The following STARD5 variants were observed in gnomAD, a reference collection of about 807,000 sequenced individuals.
STARD5 encodes the protein stAR-related lipid transfer protein 5.
Under a neutral mutation model 24.6 loss-of-function variants are expected in STARD5, and 26 were observed. That is an observed-to-expected ratio of 1.06 (90% CI 0.77 to 1.47). STARD5 has a LOEUF of 1.47. STARD5 is among the 40% of genes most tolerant of loss of function. STARD5 has a pLI of 0.00. For synonymous variants in STARD5, 101 were observed against 99.7 expected, an observed-to-expected ratio of 1.01 and a Z score of -0.07; for missense variants, 254 against 270.8, an observed-to-expected ratio of 0.94 and a Z score of 0.44.
chr15:81,319,096 A>G (rs1901142111), intron 4 of STARD5, among the ~76,000 whole-genome samples: 1 of 143,300 alleles, frequency 7.0e-6, no homozygotes, highest in Non-Finnish European at 1.5e-5. Flanking sequence ...TTCCGCAGGA[A>G]AAAAAAAAAA....
In STARD5 at chr15:81,312,270, C is replaced by T. The variant is rs1193624874; in HGVS notation, c.*986G>A. 6.6e-6 allele frequency: 1 copy of T among 152,262 alleles called. No homozygotes were observed. The highest frequency in any genetic ancestry group is 1.5e-5 in the Non-Finnish European group (1 of 68,072). The allele number at this position is 152,262 out of a possible 1,614,324, so 9.4% of individuals were successfully genotyped here. A position where few individuals can be genotyped will look rare whatever the true frequency, so the allele number is the denominator to read the frequency against. ...GGTTCTGATGATGTGCCTGGGTGGA[C>T]ATGGCCCCTGTGAGTTTGTACAGTC... On this transcript the variant is annotated 3_prime_UTR_variant, in exon 6 of 6. Coordinates refer to ENST00000302824, the MANE Select transcript of STARD5 (RefSeq NM_181900.3).
intron 1 of STARD5, 181 bp downstream of exon 1, chr15:81,323,820 G>A (rs1463555615): frequency 1.4e-6 from 1 of 729,482 alleles, no homozygotes; most frequent in Non-Finnish European, 2.3e-6. Flanking sequence ...GTCATTGTGA[G>A]CATAACAGGC....
At chr15:81,316,674 G>A (rs377241712) in intron 5 of STARD5, among the ~76,000 whole-genome samples, 1 of 152,284 alleles carries the variant, frequency 6.6e-6, no homozygotes, top group South Asian at 2.1e-4. Flanking sequence ...GCTGAATCTA[G>A]GGTCCAGAAT....
intron 3 of STARD5, 91 bp from the exon 4 acceptor site, chr15:81,319,547 T>C (rs914356307): frequency 9.1e-7 from 1 of 1,104,696 alleles, no homozygotes; most frequent in East Asian, 2.4e-5. Context: ...GGAAAGGTAC[T>C]AGGGCTGACA....
At position 81,313,127 on chromosome 15, in the gene STARD5, TGC is replaced by T. The variant is rs1900950804; in HGVS notation, c.*127_*128del. 1 of 1,142,358 alleles carries T rather than the reference TGC, an allele frequency of 8.8e-7. No homozygotes were observed. Among genetic ancestry groups the T allele is most frequent in the African/African-American group, 1.6e-5 (1 of 61,694 alleles). The allele number at this position is 1,142,358 out of a possible 1,614,324, so 70.8% of individuals were successfully genotyped here. On this transcript the variant is annotated 3_prime_UTR_variant, in exon 6 of 6. Transcript: ENST00000302824. ...CGCCTCTGGTTGGCATTCTCAGAGA[TGC>T]GCAGTCCATCAGCTTGTTCCAAAGA...
intron 1 of STARD5, chr15:81,323,490 G>A: frequency 4.3e-6 from 2 of 468,394 alleles, no homozygotes; most frequent in Non-Finnish European, 4.0e-6. Context: ...AAAGTCAGAA[G>A]GGTCAAGCAA....
At position 81,324,009 on chromosome 15, in the gene STARD5, G is replaced by A. The variant is rs1468040974; in HGVS notation, c.91C>T (p.Arg31Trp). 7.5e-6 allele frequency: 12 copies of A among 1,600,220 alleles called. No homozygotes were observed. Among genetic ancestry groups the A allele is most frequent in the Admixed American group, 1.7e-5 (1 of 58,744 alleles). Reference protein sequence around the residue: ...RRDTAGWKICREGNGVSVSWR... With the variant: ...RRDTAGWKICWEGNGVSVSWR... ...CCCAGCTCCTCACTCACGCCTTCCC[G>A]GCAAATCTTCCAGCCTGCTGTGTCC... Residue 31 changes from arginine (R) to tryptophan (W), a missense_variant, in exon 1 of 6, where the codon CGG becomes TGG. Coordinates refer to ENST00000302824, the MANE Select transcript of STARD5 (RefSeq NM_181900.3).
In STARD5 at chr15:81,319,334, C is replaced by T. The variant is rs1901148030; in HGVS notation, c.400+5G>A. 6.2e-7 allele frequency: 1 copy of T among 1,608,724 alleles called. No individual in the cohort carries two copies. Among genetic ancestry groups the T allele is most frequent in the Non-Finnish European group, 8.5e-7 (1 of 1,175,020 alleles). Reference sequence around the variant, plus strand: ...GGCATGGCAGCTCCTCCGGGCATCACTCACCGTTGGAACTGATGGTCCCAT... The same window carrying T: ...GGCATGGCAGCTCCTCCGGGCATCATTCACCGTTGGAACTGATGGTCCCAT... On this transcript the variant is annotated splice_donor_5th_base_variant and intron_variant, in intron 4 of 5. Transcript: ENST00000302824.
chr15:81,313,073 T>A lies in STARD5; in HGVS notation c.*183A>T. On this transcript the variant is annotated 3_prime_UTR_variant, in exon 6 of 6. Transcript: ENST00000302824. ...TGGCTCATCACACGCCAACCCTGAG[T>A]GGGGCAGGAGGCAGGAAGGGTGGGC... is the stretch of plus-strand genomic sequence containing the variant. The A allele has an allele frequency of 1.7e-6, 1 of 580,308 alleles. No homozygotes were observed. Among genetic ancestry groups the A allele is most frequent in the Non-Finnish European group, 2.7e-6 (1 of 372,012 alleles). 35.9% of individuals were successfully genotyped at this position (580,308 alleles called of 1,614,324 possible). A position where few individuals can be genotyped will look rare whatever the true frequency, so the allele number is the denominator to read the frequency against.
chr15:81,319,187 T>TC, intron 4 of STARD5, 152 bp downstream of exon 4: 10 of 705,226 alleles, frequency 1.4e-5, no homozygotes, highest in South Asian at 1.4e-4. Context: ...TGGCCCTGAG[T>TC]CCCCCCAAAC....
At chr15:81,322,860 C>A (rs143789300) in intron 2 of STARD5, 39 bp downstream of exon 2, 5 of 1,612,716 alleles carry the variant, frequency 3.1e-6, no homozygotes, top group Non-Finnish European at 4.2e-6. Flanking sequence ...AGGAAGGGTG[C>A]GGCACCTCTG....
Position 81,313,168 on chromosome 15 carries a change from T to C in STARD5, c.*88A>G, listed in dbSNP as rs1442733475. On this transcript the variant is annotated 3_prime_UTR_variant, in exon 6 of 6. Transcript: ENST00000302824. Reference sequence around the variant, plus strand: ...TTGTTCCAAAGAGTGAACACAGGCCTCTGCGTGCTCCCAGGCTCCTTGGTG... The same window carrying C: ...TTGTTCCAAAGAGTGAACACAGGCCCCTGCGTGCTCCCAGGCTCCTTGGTG... 2.8e-6 allele frequency: 4 copies of C among 1,416,430 alleles called. No individual in the cohort carries two copies. Among genetic ancestry groups the C allele is most frequent in the Non-Finnish European group, 3.7e-6 (4 of 1,069,060 alleles). 87.7% of individuals were successfully genotyped at this position (1,416,430 alleles called of 1,614,324 possible).
Position 81,324,096 on chromosome 15 carries a change from C to G in STARD5, c.4G>C (p.Asp2His). The G allele has an allele frequency of 6.8e-7, 1 of 1,474,252 alleles. No homozygotes were observed. Among genetic ancestry groups the G allele is most frequent in the Non-Finnish European group, 9.1e-7 (1 of 1,099,680 alleles). 91.3% of individuals were successfully genotyped at this position (1,474,252 alleles called of 1,614,324 possible). A position where few individuals can be genotyped will look rare whatever the true frequency, so the allele number is the denominator to read the frequency against. M[D>H]PALAAQMSEA... ...CTCATCTGGGCTGCCAGCGCCGGGT[C>G]CATTGCGTCGGGAGCTGCGCTTAGC... The change falls in exon 1 of 6, where the codon GAC (aspartate) becomes CAC (histidine). Residue 2 changes from aspartate (D) to histidine (H), a missense_variant. Physicochemically the swap from Asp to His is moderately conservative, Grantham distance 81 (BLOSUM62 -1). Coordinates refer to ENST00000302824, the MANE Select transcript of STARD5 (RefSeq NM_181900.3).
In STARD5 at chr15:81,311,641, A is replaced by G. The variant is rs555366568; in HGVS notation, c.*1615T>C. 6.6e-6 allele frequency: 1 copy of G among 152,252 alleles called. No homozygotes were observed. Among genetic ancestry groups the G allele is most frequent in the Non-Finnish European group, 1.5e-5 (1 of 68,070 alleles). 9.4% of individuals were successfully genotyped at this position (152,252 alleles called of 1,614,324 possible). On this transcript the variant is annotated 3_prime_UTR_variant, in exon 6 of 6. Transcript: ENST00000302824. ...CTTGATAAGACCACCACCTCAGAGTATGGAGCTCAGAGAGGGCAGGCATGA... is the reference window on the plus strand; with the variant it reads ...CTTGATAAGACCACCACCTCAGAGTGTGGAGCTCAGAGAGGGCAGGCATGA...
chr15:81,318,363 CAGTT>C (rs757133318), intron 5 of STARD5, 42 bp downstream of exon 5: 18 of 1,551,234 alleles, frequency 1.2e-5, no homozygotes, highest in Non-Finnish European at 1.5e-5. Context: ...AGGGAAGTCA[CAGTT>C]AGGTCTGAGC....
chr15:81,320,212 A>G (rs1162590166), intron 3 of STARD5, among the ~76,000 whole-genome samples: 1 of 152,094 alleles, frequency 6.6e-6, no homozygotes, highest in African/African-American at 2.4e-5. Context: ...GGGGTAGGTG[A>G]GAGGGGCTGG....
At chr15:81,322,375 C>T (rs934967102) in intron 3 of STARD5, 33 bp downstream of exon 3, 37 of 1,613,774 alleles carry the variant, frequency 2.3e-5, no homozygotes, top group Non-Finnish European at 3.1e-5. Context: ...GGCCCAGACA[C>T]TATCTAGAGA....
chr15:81,320,700 A>C (rs1901177580), intron 3 of STARD5, among the ~76,000 whole-genome samples: 1 of 152,206 alleles, frequency 6.6e-6, no homozygotes, highest in Non-Finnish European at 1.5e-5. Flanking sequence ...TGCCATTTCT[A>C]AATTCTGGTA....
chr15:81,320,585 C>T (rs1901175781), intron 3 of STARD5, among the ~76,000 whole-genome samples: 3 of 152,222 alleles, frequency 2.0e-5, no homozygotes, highest in South Asian at 4.2e-4. Flanking sequence ...ATTAGGAGTG[C>T]GGGCGGCAAT....
Sources: allele counts gnomAD v4.1 joint callset (sites outside exome capture counted in the v4.1 genomes callset), GRCh38; gene constraint gnomAD v4.1.1; transcripts MANE v1.5; gene names NCBI Gene and HGNC (gene_info 2026-07-23, HGNC 2026-07-21).